PTN: variants seen among roughly 807,000 people sequenced by gnomAD.
The protein encoded by PTN is heparin affin regulatory protein.
PTN carries 18 observed loss-of-function variants against 24.1 expected under a neutral mutation model. The observed-to-expected ratio is 0.75, with a 90% CI of 0.52 to 1.11. PTN has a LOEUF of 1.11. Among genes scored for constraint, PTN ranks in the 50% least tolerant of loss-of-function variants. The pLI is 0.00. For missense variants in PTN, 163 were observed against 198.8 expected, an observed-to-expected ratio of 0.82 and a Z score of 1.08; for synonymous variants, 78 against 68.6, an observed-to-expected ratio of 1.14 and a Z score of -0.67.
chr7:137,264,147 G>A (rs1809095861), intron 1 of PTN, among the ~76,000 whole-genome samples: 2 of 152,078 alleles, frequency 1.3e-5, no homozygotes, highest in Non-Finnish European at 2.9e-5. Context: ...TAATTCTCAG[G>A]CTTCTTATGG....
At chr7:137,269,622 C>CTTTTT (rs1194863462) in intron 1 of PTN, among the ~76,000 whole-genome samples, 11 of 106,058 alleles carry the variant, frequency 1.0e-4, no homozygotes, top group African/African-American at 5.0e-4. Flanking sequence ...GCTGCTTCAT[C>CTTTTT]TATTTTTTTT....
intron 1 of PTN, among the ~76,000 whole-genome samples, chr7:137,282,219 C>T (rs1044332075): frequency 6.6e-6 from 1 of 152,176 alleles, no homozygotes; most frequent in Admixed American, 6.5e-5. Flanking sequence ...TAGAAGAGAG[C>T]TATCACTTTT....
chr7:137,271,842 CTT>C (rs1212706042), intron 1 of PTN, among the ~76,000 whole-genome samples: 1 of 152,208 alleles, frequency 6.6e-6, no homozygotes, highest in Non-Finnish European at 1.5e-5. Flanking sequence ...TTCTCTGAAA[CTT>C]ATTTTTCTTA....
chr7:137,297,038 A>G (rs538178976), intron 1 of PTN, among the ~76,000 whole-genome samples: 13 of 152,144 alleles, frequency 8.5e-5, no homozygotes, highest in Non-Finnish European at 1.6e-4. Context: ...TCCAATGTGC[A>G]TGGCAAAGAG....
intron 1 of PTN, among the ~76,000 whole-genome samples, chr7:137,280,725 A>AAAAAAAAAAAG (rs71176392): frequency 1.4e-5 from 2 of 138,396 alleles, no homozygotes; most frequent in Non-Finnish European, 3.1e-5. Flanking sequence ...AAAAAAAAAA[A>AAAAAAAAAAAG]GCTGAGTGTG....
At position 137,254,542 on chromosome 7, in the gene PTN, T is replaced by C. The variant is rs959679617; in HGVS notation, c.115+317A>G. ...AGGAGAAAAACAAGTTGCAGTGCAT[T>C]TTTTTTTTTTTGAGGTAGAGAGGTA... On this transcript the variant is annotated intron_variant, in intron 2 of 4. Transcript: ENST00000348225. Among the ~76,000 whole-genome samples, 9 of 77,996 alleles carry C rather than the reference T, an allele frequency of 1.2e-4. No individual in the cohort carries two copies. In the African/African-American group the frequency reaches 2.3e-3, roughly 20 times the overall value. 51.2% of individuals were successfully genotyped at this position (77,996 alleles called of 152,430 possible).
At chr7:137,321,595 T>C (rs1810164023) in intron 1 of PTN, among the ~76,000 whole-genome samples, 1 of 152,200 alleles carries the variant, frequency 6.6e-6, no homozygotes, top group Middle Eastern at 3.2e-3. Context: ...CAATGTGATT[T>C]TTGTTTGATA....
chr7:137,259,340 G>T (rs922762390), intron 1 of PTN, among the ~76,000 whole-genome samples: 1 of 151,940 alleles, frequency 6.6e-6, no homozygotes, highest in East Asian at 1.9e-4. Flanking sequence ...CCTATTTGGG[G>T]GATTAATACA....
At chr7:137,306,462 G>A (rs921100618) in intron 1 of PTN, among the ~76,000 whole-genome samples, 4 of 152,002 alleles carry the variant, frequency 2.6e-5, no homozygotes, top group Admixed American at 6.6e-5. Flanking sequence ...CCATACTCAC[G>A]AAAGGCTAAT....
At chr7:137,292,871 T>C (rs897014805) in intron 1 of PTN, among the ~76,000 whole-genome samples, 62 of 152,150 alleles carry the variant, frequency 4.1e-4, no homozygotes, top group African/African-American at 1.5e-3. Flanking sequence ...GGGTGAGTTT[T>C]GGCATGTTGG....
intron 4 of PTN, among the ~76,000 whole-genome samples, chr7:137,241,840 C>G (rs2128869305): frequency 6.6e-6 from 1 of 152,322 alleles, no homozygotes; most frequent in Non-Finnish European, 1.5e-5. Flanking sequence ...CCCCATGCTG[C>G]CTCTTCTGGC....
intron 1 of PTN, among the ~76,000 whole-genome samples, chr7:137,272,442 G>A (rs924523442): frequency 2.6e-5 from 4 of 152,118 alleles, no homozygotes; most frequent in Non-Finnish European, 5.9e-5. Context: ...CAAGGCTTTC[G>A]CCCTCAACAA....
At chr7:137,304,100 G>T (rs188433715) in intron 1 of PTN, among the ~76,000 whole-genome samples, 1 of 152,030 alleles carries the variant, frequency 6.6e-6, no homozygotes. Flanking sequence ...ACTCCCATAC[G>T]GAGTTACCAA....
At chr7:137,285,833 C>T (rs990806484) in intron 1 of PTN, among the ~76,000 whole-genome samples, 3 of 152,208 alleles carry the variant, frequency 2.0e-5, no homozygotes, top group African/African-American at 7.2e-5. Context: ...AGTGCCTAGG[C>T]ACATGGCAAA....
chr7:137,251,190 A>C (rs1289775364), intron 4 of PTN, 40 bp downstream of exon 4: 1 of 1,602,672 alleles, frequency 6.2e-7, no homozygotes, highest in East Asian at 2.2e-5. Context: ...ACCTGAGTCC[A>C]TCAATCCATT....
chr7:137,291,320 T>C (rs1345343764), intron 1 of PTN, among the ~76,000 whole-genome samples: 1 of 152,160 alleles, frequency 6.6e-6, no homozygotes, highest in Non-Finnish European at 1.5e-5. Flanking sequence ...TACTACATGT[T>C]TATTATCAGA....
Position 137,251,300 on chromosome 7 carries a change from G to C in PTN, c.381C>G (p.His127Gln), listed in dbSNP as rs764352605. Residue 127 changes from histidine (H) to glutamine (Q), a missense_variant, in exon 4 of 5, where the codon CAC (histidine) becomes CAG (glutamine). Transcript: ENST00000348225. ...TGACAGTCTTCTGGCATTCGGCATT[G>C]TGCAGGGCTCGCTTCAGACTTCCAG... ...TRTGSLKRAL[H>Q]NAECQKTVTI... 6.2e-7 allele frequency: 1 copy of C among 1,614,002 alleles called. No homozygotes were observed. Among genetic ancestry groups the C allele is most frequent in the Non-Finnish European group, 8.5e-7 (1 of 1,180,030 alleles).
At chr7:137,324,939 G>A (rs1432620750) in intron 1 of PTN, 2 of 152,192 alleles carry the variant, frequency 1.3e-5, no homozygotes, top group East Asian at 3.8e-4. Flanking sequence ...AATTGTTTCA[G>A]AGTATGAAAC....
At chr7:137,254,812 G>A in intron 2 of PTN, 47 bp downstream of exon 2, 1 of 1,300,542 alleles carries the variant, frequency 7.7e-7, no homozygotes, top group Non-Finnish European at 1.1e-6. Flanking sequence ...TAGACTAGAT[G>A]GACATTAATC....
Sources: allele counts gnomAD v4.1 joint callset (sites outside exome capture counted in the v4.1 genomes callset), GRCh38; gene constraint gnomAD v4.1.1; transcripts MANE v1.5; gene names NCBI Gene and HGNC (gene_info 2026-07-23, HGNC 2026-07-21).